The following MAGI2 variants were observed in gnomAD, a reference collection of about 807,000 sequenced individuals.
MAGI2 encodes membrane-associated guanylate kinase, WW and PDZ domain-containing protein 2.
Under a neutral mutation model 133.3 loss-of-function variants are expected in MAGI2, and 35 were observed. The ratio of observed to expected loss-of-function variants is 0.26; its 90% CI spans 0.20 to 0.35. The LOEUF is 0.35. Among genes scored for constraint, MAGI2 ranks in the 10% least tolerant of loss-of-function variants. MAGI2 has a pLI of 1.00. For synonymous variants in MAGI2, 729 were observed against 710.6 expected, an observed-to-expected ratio of 1.03 and a Z score of -0.41; for missense variants, 1,636 against 1,863.4, an observed-to-expected ratio of 0.88 and a Z score of 2.25.
At chr7:79,217,928 A>G (rs768327782) in intron 1 of MAGI2, among the ~76,000 whole-genome samples, 10 of 152,040 alleles carry the variant, frequency 6.6e-5, no homozygotes, top group Non-Finnish European at 1.3e-4. Context: ...TGAAAATGAC[A>G]GCAAATGATG....
chr7:78,671,414 G>T (rs1669674129), intron 2 of MAGI2, among the ~76,000 whole-genome samples: 1 of 151,946 alleles, frequency 6.6e-6, no homozygotes, highest in Non-Finnish European at 1.5e-5. Flanking sequence ...TTAATTTTCT[G>T]TGGTAGAGGA....
chr7:78,210,663 T>G (rs1184978174), intron 10 of MAGI2, among the ~76,000 whole-genome samples: 2 of 152,162 alleles, frequency 1.3e-5, no homozygotes, highest in Non-Finnish European at 2.9e-5. Context: ...ATGTGTCAGG[T>G]AAAACTTAAA....
chr7:78,880,349 G>C (rs141475265), intron 2 of MAGI2, among the ~76,000 whole-genome samples: 63 of 152,162 alleles, frequency 4.1e-4, no homozygotes, highest in Non-Finnish European at 7.4e-4. Context: ...TTGAACAAAG[G>C]GTACACCATC....
chr7:78,209,221 CAAAAA>C (rs370809243), intron 10 of MAGI2, among the ~76,000 whole-genome samples: 1 of 10,624 alleles, frequency 9.4e-5, no homozygotes, highest in Non-Finnish European at 1.6e-4. Context: ...GACTCTGTCT[CAAAAA>C]AAAAAAAAAA....
At chr7:79,207,524 A>T (rs1472280120) in intron 1 of MAGI2, among the ~76,000 whole-genome samples, 1 of 109,488 alleles carries the variant, frequency 9.1e-6, no homozygotes, top group Non-Finnish European at 1.6e-5. Flanking sequence ...AAGATCTCAA[A>T]TCAAAAACTA....
intron 2 of MAGI2, among the ~76,000 whole-genome samples, chr7:78,957,329 C>T: frequency 6.7e-6 from 1 of 150,170 alleles, no homozygotes; most frequent in Non-Finnish European, 1.5e-5. Flanking sequence ...CCTAAATGCT[C>T]CTTATAAGTA....
rs138430433 is a variant in MAGI2, at chr7:78,686,202, C to T, written c.419-58963G>A. 2.3e-3 allele frequency among the ~76,000 whole-genome samples: 352 copies of T among 151,898 alleles called. 3 individuals carry two copies. The highest frequency in any genetic ancestry group is 7.9e-3 in the African/African-American group (326 of 41,418). On this transcript the variant is annotated intron_variant, in intron 2 of 21. Coordinates refer to ENST00000354212, the MANE Select transcript of MAGI2 (RefSeq NM_012301.4). ...GTAAGCTTTTCTTTCATTGTCTCCT[C>T]TCCCTTTATTTTATCTTTTACCGAG...
intron 6 of MAGI2, among the ~76,000 whole-genome samples, chr7:78,461,466 G>C: frequency 6.6e-6 from 1 of 150,812 alleles, no homozygotes; most frequent in Non-Finnish European, 1.5e-5. Flanking sequence ...AGATTTATTA[G>C]TTTTTCTGTA....
chr7:78,805,939 A>G (rs1181093447), intron 2 of MAGI2, among the ~76,000 whole-genome samples: 1 of 152,156 alleles, frequency 6.6e-6, no homozygotes, highest in Admixed American at 6.5e-5. Flanking sequence ...GAGAGGCCCC[A>G]AGCTAGAATC....
intron 6 of MAGI2, among the ~76,000 whole-genome samples, chr7:78,460,387 C>T (rs568154291): frequency 6.6e-6 from 1 of 152,180 alleles, no homozygotes; most frequent in Non-Finnish European, 1.5e-5. Flanking sequence ...GGTACTTGTT[C>T]TAAGTGTCAA....
intron 1 of MAGI2, chr7:79,125,899 G>A (rs759620306): frequency 2.4e-6 from 1 of 421,028 alleles, no homozygotes; most frequent in Non-Finnish European, 4.7e-6. Flanking sequence ...AGGATTTATG[G>A]GGTCAACCAA....
chr7:78,171,261 T>C (rs1032686031), intron 14 of MAGI2, among the ~76,000 whole-genome samples: 1 of 152,260 alleles, frequency 6.6e-6, no homozygotes, highest in African/African-American at 2.4e-5. Context: ...TATCTTGCAC[T>C]GTAACTCATA....
intron 2 of MAGI2, among the ~76,000 whole-genome samples, chr7:78,647,968 G>A (rs150571662): frequency 0.01 from 1,551 of 152,134 alleles, 28 homozygotes; most frequent in African/African-American, 0.035. Flanking sequence ...GACACAGGCA[G>A]GGGAACATTA....
At chr7:79,213,345 C>T (rs1244226286) in intron 1 of MAGI2, among the ~76,000 whole-genome samples, 5 of 150,950 alleles carry the variant, frequency 3.3e-5, no homozygotes, top group African/African-American at 7.4e-5. Flanking sequence ...CACACACACA[C>T]ACACATATAT....
At chr7:78,805,105 C>CT (rs1477288730) in intron 2 of MAGI2, among the ~76,000 whole-genome samples, 2 of 151,704 alleles carry the variant, frequency 1.3e-5, no homozygotes, top group Non-Finnish European at 2.9e-5. Flanking sequence ...AAAATAACCT[C>CT]TAAAAAATTG....
chr7:78,426,061 G>A (rs554573141), intron 6 of MAGI2, among the ~76,000 whole-genome samples: 20 of 152,296 alleles, frequency 1.3e-4, no homozygotes, highest in Non-Finnish European at 2.8e-4. Flanking sequence ...GGACTTTAAA[G>A]TAGCTTGACT....
intron 1 of MAGI2, among the ~76,000 whole-genome samples, chr7:79,143,714 C>A (rs1227459952): frequency 1.3e-5 from 2 of 152,090 alleles, no homozygotes; most frequent in African/African-American, 2.4e-5. Context: ...TTTTTCAGCA[C>A]AGATTACAAT....
chr7:79,337,758 C>T (rs1359297340), intron 1 of MAGI2, among the ~76,000 whole-genome samples: 1 of 152,076 alleles, frequency 6.6e-6, no homozygotes, highest in Non-Finnish European at 1.5e-5. Context: ...TAGGGCAATG[C>T]TCATTCTTAA....
rs143923114 is a variant in MAGI2 at position 78,321,812 on chromosome 7, T to G, written c.1408+21966A>C. 2.2e-3 allele frequency among the ~76,000 whole-genome samples: 334 copies of G among 152,106 alleles called. 2 individuals carry two copies. The highest frequency in any genetic ancestry group is 7.6e-3 in the African/African-American group (314 of 41,504). ...AAGAGCTTCTGCACTGCAAAAGAAA[T>G]TATCATCAGAGTGAACAAGCAACCT... On this transcript the variant is annotated intron_variant, in intron 9 of 21. Transcript: ENST00000354212.
Sources: gnomAD v4.1 joint callset for allele counts (sites outside exome capture counted in the v4.1 genomes callset) on GRCh38, gnomAD v4.1.1 for gene constraint, MANE v1.5 for transcripts, NCBI Gene and HGNC (gene_info 2026-07-23, HGNC 2026-07-21) for gene names.